The following UNC13A variants were observed in gnomAD, a reference collection of about 807,000 sequenced individuals.
UNC13A encodes the protein protein unc-13 homolog A.
Under a neutral mutation model 219.7 loss-of-function variants are expected in UNC13A, and 61 were observed. The observed-to-expected ratio is 0.28, with a 90% confidence interval of 0.23 to 0.34. The LOEUF is 0.34. Among genes scored for constraint, UNC13A ranks in the 10% least tolerant of loss-of-function variants. UNC13A has a pLI of 1.00. For missense variants in UNC13A, 1,476 were observed against 2,270.3 expected (o/e 0.65, Z 7.11); for synonymous variants, 920 against 884.6 (o/e 1.04, Z -0.71).
chr19:17,684,106 C>T (rs191954399), intron 1 of UNC13A, among the ~76,000 whole-genome samples: 212 of 152,226 alleles, frequency 1.4e-3, no homozygotes, highest in Middle Eastern at 6.8e-3. Flanking sequence ...TGTCTCAAAA[C>T]AAAACAAAAC....
intron 38 of UNC13A, among the ~76,000 whole-genome samples, chr19:17,619,670 C>T (rs996549120): frequency 1.2e-4 from 18 of 152,034 alleles, no homozygotes; most frequent in Non-Finnish European, 2.1e-4. Flanking sequence ...TGGGCTCAAT[C>T]GATCCTCCTA....
intron 34 of UNC13A, chr19:17,626,406 A>C: frequency 2.0e-6 from 1 of 497,160 alleles, no homozygotes; most frequent in South Asian, 3.3e-5. Context: ...CATGTCACCT[A>C]TTCATCCACC....
chr19:17,640,385 G>T, intron 22 of UNC13A, 126 bp downstream of exon 22: 1 of 1,273,368 alleles, frequency 7.9e-7, no homozygotes, highest in Non-Finnish European at 1.0e-6. Context: ...GCTCAGAGAC[G>T]GGAAGTGACT....
At chr19:17,624,984 C>T (rs1431494814) in intron 34 of UNC13A, 32 bp from the exon 35 acceptor site, 1 of 1,599,628 alleles carries the variant, frequency 6.3e-7, no homozygotes, top group Non-Finnish European at 8.5e-7. Flanking sequence ...GAGAGAGGGC[C>T]CAGCTCGCCC....
rs547702547 is a variant in UNC13A, at chr19:17,605,608, GC to G, written c.*445del. The G allele has an allele frequency of 3.7e-5, 6 of 160,602 alleles. No homozygotes were observed. The highest frequency in any genetic ancestry group is 1.9e-4 in the South Asian group (1 of 5,256). 9.9% of individuals were successfully genotyped at this position (160,602 alleles called of 1,614,324 possible). A position where few individuals can be genotyped will look rare whatever the true frequency, so the allele number is the denominator to read the frequency against. ...CAGAGAGCCCTACCCCTTGCCCAGG[GC>G]CCCCCCTCGAGGGAGCTGAGATTTC... is the stretch of plus-strand genomic sequence containing the variant. On this transcript the variant is annotated 3_prime_UTR_variant, in exon 44 of 44. Transcript: ENST00000519716.
chr19:17,623,137 T>C, intron 36 of UNC13A: 1 of 203,146 alleles, frequency 4.9e-6, no homozygotes. Context: ...GGGAAGCTGC[T>C]GACAGTTCAG....
At chr19:17,628,191 G>T (rs2076803785) in intron 31 of UNC13A, 1 of 542,212 alleles carries the variant, frequency 1.8e-6, no homozygotes, top group Admixed American at 3.2e-5. Context: ...GCCTGGTGGG[G>T]GGTCCATGAG....
rs1256029789 is a variant in UNC13A, at chr19:17,674,187, A to G, written c.152+470T>C. ...AGAGCAAGTGCAAGGGCCCTGGGGC[A>G]AGAACAAGCTGGGAAGTGTTGGAGA... On this transcript the variant is annotated intron_variant, in intron 3 of 43. Transcript: ENST00000519716. This position sits in a 1 kb window ranked among gnomAD's most constrained non-coding sequence, Gnocchi z 5.0. 1.3e-5 allele frequency among the ~76,000 whole-genome samples: 2 copies of G among 151,798 alleles called. No homozygotes were observed. The highest frequency in any genetic ancestry group is 4.8e-5 in the African/African-American group (2 of 41,336).
intron 5 of UNC13A, 124 bp downstream of exon 5, chr19:17,669,429 G>T: frequency 7.4e-7 from 1 of 1,345,568 alleles, no homozygotes; most frequent in Non-Finnish European, 9.9e-7. Context: ...CGGGGCGAAG[G>T]ACCCTCATTC....
intron 41 of UNC13A, among the ~76,000 whole-genome samples, chr19:17,612,636 G>A (rs2076616526): frequency 6.6e-6 from 1 of 152,036 alleles, no homozygotes; most frequent in Admixed American, 6.6e-5. Flanking sequence ...CTTGAGCTCA[G>A]GAGTTTGAGA....
At chr19:17,628,884 T>TCA (rs1295279316) in intron 31 of UNC13A, among the ~76,000 whole-genome samples, 1 of 151,158 alleles carries the variant, frequency 6.6e-6, no homozygotes, top group Admixed American at 6.6e-5. Flanking sequence ...ACAGTTGGAC[T>TCA]CACACACACA....
At chr19:17,685,954 G>A (rs1599426254) in intron 1 of UNC13A, among the ~76,000 whole-genome samples, 1 of 151,352 alleles carries the variant, frequency 6.6e-6, no homozygotes. Context: ...CCCCTCTCTG[G>A]GCACCATCCC....
At chr19:17,644,252 GAT>G (rs2077000373) in intron 19 of UNC13A, among the ~76,000 whole-genome samples, 2 of 152,016 alleles carry the variant, frequency 1.3e-5, no homozygotes, top group African/African-American at 4.8e-5. Context: ...GCAGTGGCAT[GAT>G]CATAGCTCAC....
In UNC13A at chr19:17,610,069, G is replaced by C; in HGVS notation, c.4682C>G (p.Thr1561Ser). The change falls in exon 43 of 44, where the codon ACT (threonine) becomes AGT (serine). Residue 1561 changes from threonine to serine, a missense_variant. By Grantham distance (58) the Thr-to-Ser change is moderately conservative. Transcript: ENST00000519716. The stretch of plus-strand genomic sequence containing the variant: ...GATGAACGGCCGGAAGATGCCAGAA[G>C]TCTGCCACTTGAGGTCATTGGCAGC... ...VVAANDLKWQ[T>S]SGIFRPFIEV... The C allele has an allele frequency of 6.2e-7, 1 of 1,614,074 alleles. No individual in the cohort carries two copies.
intron 7 of UNC13A, among the ~76,000 whole-genome samples, chr19:17,666,082 CTTTCT>C (rs1165433246): frequency 7.1e-5 from 10 of 140,982 alleles, no homozygotes; most frequent in African/African-American, 2.6e-4. Context: ...CCTTCCTTTC[CTTTCT>C]TTCCTTCCCT....
At chr19:17,618,791 G>C (rs2076694928) in intron 39 of UNC13A, 115 bp downstream of exon 39, 1 of 1,006,924 alleles carries the variant, frequency 9.9e-7, no homozygotes, top group Admixed American at 1.8e-5. Flanking sequence ...TCTGTCCTTT[G>C]AGCCTGTAAT....
At chr19:17,663,669 C>T (rs868249784) in intron 7 of UNC13A, 102 bp from the exon 8 acceptor site, 3 of 1,288,842 alleles carry the variant, frequency 2.3e-6, no homozygotes, top group African/African-American at 2.9e-5. Context: ...CTGCTCCCCC[C>T]ACCCCAAAAG....
Position 17,636,026 on chromosome 19 carries a change from G to A in UNC13A, c.3213C>T (p.Asn1071=), listed in dbSNP as rs747427132. 14 of 1,610,570 alleles carry A rather than the reference G, an allele frequency of 8.7e-6. No homozygotes were observed. Among genetic ancestry groups the A allele is most frequent in the Admixed American group, 1.7e-5 (1 of 59,916 alleles). ...AACTACACAGATACACAACTCACTGGTTGAGGCAGGGAGTGTAGGAATTCT... is the reference window on the plus strand; with the variant it reads ...AACTACACAGATACACAACTCACTGATTGAGGCAGGGAGTGTAGGAATTCT... ...EDKNSYTPCL[N]QFPQELNVGK... is the part of the protein sequence containing the mutation. The change falls in exon 26 of 44, where the codon AAC becomes AAT. Residue 1071 remains asparagine, a splice_region_variant and synonymous_variant. Transcript: ENST00000519716.
chr19:17,658,480 A>G (rs1289009381), intron 8 of UNC13A, among the ~76,000 whole-genome samples: 1 of 152,196 alleles, frequency 6.6e-6, no homozygotes, highest in Non-Finnish European at 1.5e-5. Flanking sequence ...GTCAAATTGG[A>G]CCTAAAGTCT....
Sources: gnomAD v4.1 joint callset for allele counts (sites outside exome capture counted in the v4.1 genomes callset) on GRCh38, gnomAD v4.1.1 for gene constraint, Gnocchi (gnomAD v3.1) non-coding constraint, MANE v1.5 for transcripts, NCBI Gene and HGNC (gene_info 2026-07-23, HGNC 2026-07-21) for gene names.